PFKFB3: variants seen among roughly 807,000 people sequenced by gnomAD.
PFKFB3 encodes the protein 6-phosphofructo-2-kinase/fructose-2,6-biphosphatase 3, also known as 6-phosphofructo-2-kinase/fructose-2,6-bisphosphatase 3.
Under a neutral mutation model 68.0 loss-of-function variants are expected in PFKFB3, and 33 were observed. The ratio of observed to expected loss-of-function variants is 0.49; its 90% confidence interval spans 0.37 to 0.65. PFKFB3 has a LOEUF of 0.65. Ranked by LOEUF, PFKFB3 falls within the 30% of genes least tolerant of loss-of-function variation. The pLI, the probability that PFKFB3 is intolerant of heterozygous loss-of-function variation, is 0.00. For missense variants in PFKFB3, 586 were observed against 712.2 expected, an observed-to-expected ratio of 0.82 and a Z score of 2.02; for synonymous variants, 315 against 288.2, an observed-to-expected ratio of 1.09 and a Z score of -0.94.
intron 14 of PFKFB3, 39 bp downstream of exon 14, chr10:6,226,404 A>C: frequency 6.4e-7 from 1 of 1,562,156 alleles, no homozygotes; most frequent in Middle Eastern, 1.7e-4. Context: ...TGGGGGACGC[A>C]TGCCGGGCGT....
At chr10:6,240,409 T>A (rs1365258957), downstream of PFKFB3, among the ~76,000 whole-genome samples, 5 of 151,902 alleles carry the variant, frequency 3.3e-5, no homozygotes, top group Admixed American at 2.0e-4. Flanking sequence ...GGATTACAGG[T>A]GCCCGCCTCC....
chr10:6,318,420 C>T, the PFKFB3 span, among the ~76,000 whole-genome samples: 8 of 152,186 alleles, frequency 5.3e-5, no homozygotes, highest in Admixed American at 3.9e-4. Flanking sequence ...TTTTATCCCT[C>T]GGAAACTCAG....
rs1014157948 is a variant in PFKFB3 at position 6,154,029 on chromosome 10, C to T, written c.16+9016C>T. On this transcript the variant is annotated intron_variant, in intron 1 of 14. Transcript: ENST00000379789. This position sits in a 1 kb window ranked among gnomAD's most constrained non-coding sequence, Gnocchi z 4.6. The stretch of plus-strand genomic sequence containing the variant: ...AGGAGCATGTCCAAATAGGGAAGTG[C>T]GAGGCAAAGGTCCTGTGGCCAGAGC... Among the ~76,000 whole-genome samples the T allele has an allele frequency of 1.2e-4, 19 of 152,118 alleles. No homozygotes were observed. Among genetic ancestry groups the T allele is most frequent in the East Asian group, 1.2e-3 (6 of 5,176 alleles).
At chr10:6,183,712 G>T (rs1477490970) in intron 1 of PFKFB3, among the ~76,000 whole-genome samples, 15 of 146,970 alleles carry the variant, frequency 1.0e-4, no homozygotes, top group African/African-American at 3.5e-4. Context: ...TTTTGAGACA[G>T]AGTCTCGCTC....
At chr10:6,160,513 T>A (rs1221092225) in intron 1 of PFKFB3, among the ~76,000 whole-genome samples, 1 of 151,644 alleles carries the variant, frequency 6.6e-6, no homozygotes, top group Non-Finnish European at 1.5e-5. Flanking sequence ...AAGTCAGGAG[T>A]TCGAGACCAG....
At chr10:6,173,057 G>A (rs2131749292) in intron 1 of PFKFB3, among the ~76,000 whole-genome samples, 1 of 152,282 alleles carries the variant, frequency 6.6e-6, no homozygotes, top group African/African-American at 2.4e-5. Context: ...TGGCCTGCAT[G>A]TCCTTCAACC....
At chr10:6,156,558 T>A (rs548632091) in intron 1 of PFKFB3, among the ~76,000 whole-genome samples, 1 of 151,190 alleles carries the variant, frequency 6.6e-6, no homozygotes, top group African/African-American at 2.4e-5. Context: ...CCCAGGCTGA[T>A]GTGCAGTGGC....
chr10:6,220,841 A>G lies in PFKFB3; in HGVS notation c.807A>G (p.Ser269=), dbSNP rs1300053771. 4.3e-6 allele frequency: 7 copies of G among 1,612,276 alleles called. No individual in the cohort carries two copies. The South Asian group carries it at 6.6e-5, about 15-fold the overall frequency. Residue 269 remains serine, a synonymous_variant, in exon 8 of 15, where the codon TCA becomes TCG. Transcript: ENST00000379775. This position sits in a 1 kb window ranked among gnomAD's most constrained non-coding sequence, Gnocchi z 4.1. ...TCCAGGGCCGCATCGGGGGCGACTCAGGCCTGTCCAGCCGGGGCAAGAAGG... is the reference window on the plus strand; with the variant it reads ...TCCAGGGCCGCATCGGGGGCGACTCGGGCCTGTCCAGCCGGGGCAAGAAGG... ...HNLQGRIGGD[S]GLSSRGKKFA... is the part of the protein sequence containing the mutation.
intron 1 of PFKFB3, among the ~76,000 whole-genome samples, chr10:6,160,267 G>A (rs553364440): frequency 2.6e-5 from 4 of 152,256 alleles, no homozygotes; most frequent in Admixed American, 1.3e-4. Flanking sequence ...TGGGGTCATA[G>A]TTGTCTGTTA....
the PFKFB3 span, among the ~76,000 whole-genome samples, chr10:6,311,744 G>A: frequency 2.6e-5 from 4 of 151,522 alleles, no homozygotes; most frequent in African/African-American, 7.3e-5. Context: ...ACTAGACTCC[G>A]TCTCAAAAAA....
At chr10:6,269,772 G>A in the PFKFB3 span, among the ~76,000 whole-genome samples, 6 of 152,172 alleles carry the variant, frequency 3.9e-5, no homozygotes, top group Admixed American at 2.0e-4. Flanking sequence ...AAGTCAGCAT[G>A]TCAGAATGCA....
intron 14 of PFKFB3, among the ~76,000 whole-genome samples, chr10:6,241,293 G>C (rs762245029): frequency 6.6e-6 from 1 of 152,200 alleles, no homozygotes; most frequent in Admixed American, 6.5e-5. Flanking sequence ...TCCCACCGAG[G>C]TGAAGCGCCC....
At chr10:6,280,734 C>T in the PFKFB3 span, among the ~76,000 whole-genome samples, 1 of 151,920 alleles carries the variant, frequency 6.6e-6, no homozygotes, top group Non-Finnish European at 1.5e-5. Context: ...GCAAGGGGGA[C>T]TGTTCCCTGA....
chr10:6,281,163 C>A, the PFKFB3 span, among the ~76,000 whole-genome samples: 1 of 27,022 alleles, frequency 3.7e-5, no homozygotes, highest in Non-Finnish European at 4.2e-4. Flanking sequence ...ATTAGTATTC[C>A]ATCATATATA....
chr10:6,223,656 C>T (rs982152276), intron 11 of PFKFB3, among the ~76,000 whole-genome samples: 1 of 152,146 alleles, frequency 6.6e-6, no homozygotes, highest in East Asian at 1.9e-4. Flanking sequence ...AAGTTTTGCT[C>T]TTCTTGCGCA....
intron 10 of PFKFB3, 44 bp from the exon 11 acceptor site, chr10:6,222,811 C>T (rs1369254112): frequency 1.9e-6 from 3 of 1,574,922 alleles, no homozygotes; most frequent in South Asian, 2.3e-5. Context: ...CAGAGCCCCT[C>T]CCGAGTGCCC....
chr10:6,294,357 T>C, the PFKFB3 span: 298 of 358,638 alleles, frequency 8.3e-4, no homozygotes, highest in African/African-American at 5.7e-3. Context: ...CAGTTCCACA[T>C]GGCTGGAGAG....
chr10:6,271,480 G>C, the PFKFB3 span, among the ~76,000 whole-genome samples: 2 of 152,206 alleles, frequency 1.3e-5, no homozygotes, highest in East Asian at 3.8e-4. Context: ...TTGCGGAAGG[G>C]CTGGGAAGCC....
At chr10:6,210,327 C>T (rs1406820207) in intron 1 of PFKFB3, among the ~76,000 whole-genome samples, 1 of 102,586 alleles carries the variant, frequency 9.7e-6, no homozygotes, top group African/African-American at 2.8e-5. Context: ...CTCAGGCGCC[C>T]CTCTCTTTGT....
Sources: gnomAD v4.1 joint callset for allele counts (sites outside exome capture counted in the v4.1 genomes callset) on GRCh38, gnomAD v4.1.1 for gene constraint, Gnocchi (gnomAD v3.1) non-coding constraint, MANE v1.5 for transcripts, NCBI Gene and HGNC (gene_info 2026-07-23, HGNC 2026-07-21) for gene names.